Variants in PLCL1 observed in about 807,000 individuals in gnomAD.
PLCL1 encodes inactive phospholipase C-like protein 1.
A neutral mutation model predicts 84.4 loss-of-function variants in PLCL1; 41 were observed. The ratio of observed to expected loss-of-function variants is 0.49; its 90% confidence interval spans 0.38 to 0.63. The LOEUF is 0.63. Ranked by LOEUF, PLCL1 falls within the 30% of genes least tolerant of loss-of-function variation. The pLI is 0.00. For missense variants in PLCL1, 1,206 were observed against 1,367.8 expected (o/e 0.88, Z 1.87); for synonymous variants, 490 against 488.3 (o/e 1.00, Z -0.05).
intron 1 of PLCL1, among the ~76,000 whole-genome samples, chr2:197,819,364 CTGAG>C (rs936112576): frequency 5.9e-5 from 9 of 152,052 alleles, no homozygotes; most frequent in Non-Finnish European, 1.3e-4. Context: ...GTGAGCAAGA[CTGAG>C]TAAGGACTCA....
chr2:198,054,208 C>A (rs879539423), intron 1 of PLCL1, among the ~76,000 whole-genome samples: 2 of 152,172 alleles, frequency 1.3e-5, no homozygotes, highest in African/African-American at 2.4e-5. Flanking sequence ...AATATTCACA[C>A]ATTTACACAT....
intron 1 of PLCL1, among the ~76,000 whole-genome samples, chr2:197,996,042 G>C (rs1690456481): frequency 6.6e-6 from 1 of 152,154 alleles, no homozygotes; most frequent in Admixed American, 6.5e-5. Context: ...GACAGGGAGG[G>C]GGCTGCATAC....
chr2:198,069,466 G>A (rs1385098935), intron 1 of PLCL1, among the ~76,000 whole-genome samples: 2 of 152,158 alleles, frequency 1.3e-5, no homozygotes, highest in African/African-American at 4.8e-5. Flanking sequence ...TCCAGCCTGA[G>A]TGACAGAGCA....
chr2:197,985,004 G>A (rs546850559), intron 1 of PLCL1, among the ~76,000 whole-genome samples: 10 of 151,650 alleles, frequency 6.6e-5, no homozygotes, highest in Non-Finnish European at 1.2e-4. Flanking sequence ...GCAGTGGTGC[G>A]ATCATTATGT....
intron 1 of PLCL1, among the ~76,000 whole-genome samples, chr2:198,013,504 T>G (rs1686759004): frequency 6.6e-6 from 1 of 152,122 alleles, no homozygotes; most frequent in South Asian, 2.1e-4. Context: ...CAAGACTCTG[T>G]GTCTATGTAC....
intron 1 of PLCL1, among the ~76,000 whole-genome samples, chr2:198,011,804 G>GT (rs1425638124): frequency 6.6e-6 from 1 of 151,936 alleles, no homozygotes; most frequent in African/African-American, 2.4e-5. Flanking sequence ...GTACATATCT[G>GT]TTTTTTTACT....
intron 1 of PLCL1, among the ~76,000 whole-genome samples, chr2:197,926,757 C>G (rs982528371): frequency 6.6e-6 from 1 of 152,148 alleles, no homozygotes; most frequent in African/African-American, 2.4e-5. Context: ...AAACAAGCCA[C>G]CCAAAACTTA....
Position 198,052,731 on chromosome 2 carries a change from G to A in PLCL1, c.241-31027G>A, listed in dbSNP as rs143138797. Among the ~76,000 whole-genome samples, 208 of 152,284 alleles carry A rather than the reference G, an allele frequency of 1.4e-3. 1 individual carries two copies. Among genetic ancestry groups the A allele is most frequent in the Non-Finnish European group, 2.5e-3 (168 of 68,028 alleles). Reference sequence around the variant, plus strand: ...CTGTGTCTCCTCAAATCCCACCTGGGAAGTGCTCACTCATTCCAGGTAAGA... The same window carrying A: ...CTGTGTCTCCTCAAATCCCACCTGGAAAGTGCTCACTCATTCCAGGTAAGA... On this transcript the variant is annotated intron_variant, in intron 1 of 5. Transcript: ENST00000428675.
rs764683169 is a variant in PLCL1 at position 198,085,513 on chromosome 2, A to G, written c.1996A>G (p.Ile666Val). ...PQDFWNCGCQ[I>V]VAMNFQTPGP... ...GGACTTTTGGAATTGTGGCTGTCAGATTGTAGCAATGAATTTTCAGACTCC... is the reference window on the plus strand; with the variant it reads ...GGACTTTTGGAATTGTGGCTGTCAGGTTGTAGCAATGAATTTTCAGACTCC... Residue 666 changes from isoleucine to valine, a missense_variant, in exon 2 of 6, where the codon ATT becomes GTT. Coordinates refer to ENST00000428675, the MANE Select transcript of PLCL1 (RefSeq NM_006226.4). The surrounding 1 kb of genome is among the most constrained non-coding windows in gnomAD (Gnocchi z 5.3). 2 of 1,614,024 alleles carry G rather than the reference A, an allele frequency of 1.2e-6. No individual in the cohort carries two copies. Among genetic ancestry groups the G allele is most frequent in the Non-Finnish European group, 1.7e-6 (2 of 1,179,904 alleles).
chr2:198,017,637 G>T (rs1691029626), intron 1 of PLCL1, among the ~76,000 whole-genome samples: 1 of 152,190 alleles, frequency 6.6e-6, no homozygotes, highest in Admixed American at 6.5e-5. Flanking sequence ...ATGATATTTG[G>T]CTTGTTGATT....
intron 1 of PLCL1, among the ~76,000 whole-genome samples, chr2:197,850,103 C>T (rs923445717): frequency 7.2e-5 from 11 of 151,838 alleles, no homozygotes; most frequent in Admixed American, 2.0e-4. Context: ...AAGCCTGGCT[C>T]AGTCACCAGG....
At chr2:198,032,671 A>C (rs1423045697) in intron 1 of PLCL1, among the ~76,000 whole-genome samples, 9 of 152,114 alleles carry the variant, frequency 5.9e-5, no homozygotes, top group Non-Finnish European at 7.3e-5. Flanking sequence ...TTTTATAGAG[A>C]TAAAGGAATC....
chr2:197,936,588 A>G (rs1347025868), intron 1 of PLCL1, among the ~76,000 whole-genome samples: 2 of 152,078 alleles, frequency 1.3e-5, no homozygotes, highest in Non-Finnish European at 2.9e-5. Context: ...CTGTTTTAAA[A>G]TTGAGTTATT....
chr2:197,805,200 T>A lies in PLCL1; in HGVS notation c.101T>A (p.Val34Glu), dbSNP rs1690443549. 9.4e-6 allele frequency: 12 copies of A among 1,276,520 alleles called. No individual in the cohort carries two copies. The South Asian group carries it at 3.2e-4, about 34-fold the overall frequency. 79.1% of individuals were successfully genotyped at this position (1,276,520 alleles called of 1,614,324 possible). A position where few individuals can be genotyped will look rare whatever the true frequency, so the allele number is the denominator to read the frequency against. The change falls in exon 1 of 6, where the codon GTG becomes GAG. Residue 34 changes from valine (V) to glutamate (E), a missense_variant. Val to Glu is a moderately radical substitution (Grantham distance 121). Coordinates refer to ENST00000428675, the MANE Select transcript of PLCL1 (RefSeq NM_006226.4). This position sits in a 1 kb window ranked among gnomAD's most constrained non-coding sequence, Gnocchi z 4.0. ...GGCCCGGATGCCGCCGGGGACTGCG[T>A]GACGGCGGCCTCTGGGGGCCGGATG... ...RVGPDAAGDCVTAASGGRMRD... is the reference protein window; with the variant it reads ...RVGPDAAGDCETAASGGRMRD...
chr2:197,936,078 C>CT (rs1689045857), intron 1 of PLCL1, among the ~76,000 whole-genome samples: 1 of 151,612 alleles, frequency 6.6e-6, no homozygotes, highest in South Asian at 2.1e-4. Context: ...GACAGGATCC[C>CT]TTTTTTCCAG....
At chr2:197,863,975 G>C (rs904293958) in intron 1 of PLCL1, among the ~76,000 whole-genome samples, 4 of 152,124 alleles carry the variant, frequency 2.6e-5, no homozygotes, top group African/African-American at 9.7e-5. Context: ...ACAGCATTTG[G>C]AAAGTCCCAG....
At chr2:198,115,610 G>A (rs867570644) in intron 5 of PLCL1, among the ~76,000 whole-genome samples, 4 of 151,844 alleles carry the variant, frequency 2.6e-5, no homozygotes, top group Non-Finnish European at 4.4e-5. Flanking sequence ...CTTTATAAAA[G>A]AAAGAGGTTT....
chr2:198,108,279 A>G (rs1481738856), intron 5 of PLCL1, among the ~76,000 whole-genome samples: 1 of 151,890 alleles, frequency 6.6e-6, no homozygotes, highest in Non-Finnish European at 1.5e-5. Context: ...CTGTGGTACA[A>G]TTCTGCGTTG....
At chr2:198,127,229 A>G (rs1694009524) in intron 5 of PLCL1, among the ~76,000 whole-genome samples, 1 of 152,104 alleles carries the variant, frequency 6.6e-6, no homozygotes. Context: ...TAATGATAAC[A>G]TTTTCCACAT....
Sources: gnomAD v4.1 joint callset for allele counts (sites outside exome capture counted in the v4.1 genomes callset) on GRCh38, gnomAD v4.1.1 for gene constraint, Gnocchi (gnomAD v3.1) non-coding constraint, MANE v1.5 for transcripts, NCBI Gene and HGNC (gene_info 2026-07-23, HGNC 2026-07-21) for gene names.